OSBPL1A: variants seen among roughly 807,000 people sequenced by gnomAD.
The protein encoded by OSBPL1A is oxysterol-binding protein-related protein 1.
In OSBPL1A, 80 loss-of-function variants were observed where a neutral mutation model predicts 137.1. The ratio of observed to expected loss-of-function variants is 0.58; its 90% CI spans 0.49 to 0.70. The LOEUF (loss-of-function observed/expected upper bound fraction) is 0.70, where lower values mean the gene tolerates loss of function less well. OSBPL1A is among the 30% of genes least tolerant of loss of function. The probability of loss-of-function intolerance (pLI) is 0.00; values close to 1 mark genes in which losing one functional copy is unlikely to be tolerated. For synonymous variants in OSBPL1A, 365 were observed against 389.7 expected, an observed-to-expected ratio of 0.94 and a Z score of 0.75; for missense variants, 970 against 1,129.4, an observed-to-expected ratio of 0.86 and a Z score of 2.02.
Position 24,281,083 on chromosome 18 carries a change from T to G in OSBPL1A, c.1175-135A>C, listed in dbSNP as rs2089948300. On this transcript the variant is annotated intron_variant, in intron 14 of 27. Transcript: ENST00000319481. ...TCTTAAGCAAAACATATCATGTTTC[T>G]TTTCTTTTTTTTTGTTTTCTTGAGA... is the stretch of plus-strand genomic sequence containing the variant. 3.2e-5 allele frequency: 17 copies of G among 539,348 alleles called. No individual in the cohort carries two copies. In the South Asian group the frequency reaches 4.9e-4, roughly 16 times the overall value. The allele number at this position is 539,348 out of a possible 1,614,324, so 33.4% of individuals were successfully genotyped here. A position where few individuals can be genotyped will look rare whatever the true frequency, so the allele number is the denominator to read the frequency against.
At chr18:24,313,144 T>G (rs967808271) in intron 12 of OSBPL1A, among the ~76,000 whole-genome samples, 5 of 147,700 alleles carry the variant, frequency 3.4e-5, no homozygotes, top group African/African-American at 1.0e-4. Flanking sequence ...AATAAATAAA[T>G]AAAAGAAAAA....
intron 1 of OSBPL1A, among the ~76,000 whole-genome samples, chr18:24,396,048 G>A (rs1380461412): frequency 2.0e-5 from 3 of 151,036 alleles, no homozygotes; most frequent in Non-Finnish European, 3.0e-5. Flanking sequence ...GTGAAACCTC[G>A]TCTCTACTAA....
intron 14 of OSBPL1A, among the ~76,000 whole-genome samples, chr18:24,293,650 C>T (rs1244114062): frequency 6.6e-6 from 1 of 152,096 alleles, no homozygotes; most frequent in East Asian, 1.9e-4. Context: ...GGGAACAGCA[C>T]ACGAAAGGCC....
intron 16 of OSBPL1A, among the ~76,000 whole-genome samples, chr18:24,234,275 T>A (rs1192558650): frequency 1.3e-5 from 2 of 152,180 alleles, no homozygotes; most frequent in Admixed American, 6.5e-5. Flanking sequence ...TCCCAGGAAG[T>A]GTTCCCTTAC....
intron 2 of OSBPL1A, among the ~76,000 whole-genome samples, chr18:24,376,936 G>C (rs1043412149): frequency 6.6e-6 from 1 of 152,204 alleles, no homozygotes; most frequent in Non-Finnish European, 1.5e-5. Flanking sequence ...CGCAAACGCC[G>C]CGCGCAGCCC....
intron 15 of OSBPL1A, among the ~76,000 whole-genome samples, chr18:24,277,399 C>T (rs560187640): frequency 7.2e-5 from 11 of 152,266 alleles, no homozygotes; most frequent in Admixed American, 2.0e-4. Context: ...ATAAAAACAG[C>T]GTTGCTGCTG....
chr18:24,195,578 C>T (rs187454262), intron 18 of OSBPL1A, among the ~76,000 whole-genome samples: 1 of 152,262 alleles, frequency 6.6e-6, no homozygotes. Context: ...TACCCAGAAT[C>T]CTAGCCTGAC....
intron 11 of OSBPL1A, among the ~76,000 whole-genome samples, chr18:24,315,636 T>G (rs891182219): frequency 5.1e-5 from 2 of 39,080 alleles, no homozygotes; most frequent in East Asian, 4.8e-4. Flanking sequence ...ATTATATATA[T>G]TATATAGTAA....
At chr18:24,227,947 C>A (rs2088140206) in intron 16 of OSBPL1A, among the ~76,000 whole-genome samples, 1 of 152,144 alleles carries the variant, frequency 6.6e-6, no homozygotes, top group African/African-American at 2.4e-5. Flanking sequence ...ATTTAAGAGA[C>A]ATCAATCATA....
Position 24,268,520 on chromosome 18 carries a change from A to G in OSBPL1A, c.1281+12322T>C, listed in dbSNP as rs537101484. On this transcript the variant is annotated intron_variant, in intron 15 of 27. Transcript: ENST00000319481. ...ACAAATCTGCATGTTCTGCACATGT[A>G]CCCCATTTTTTTTTGTTTTTGTTTT... 2.0e-4 allele frequency among the ~76,000 whole-genome samples: 26 copies of G among 129,098 alleles called. No homozygotes were observed. The South Asian group carries it at 6.1e-3, about 30-fold the overall frequency. 84.7% of individuals were successfully genotyped at this position (129,098 alleles called of 152,430 possible). A position where few individuals can be genotyped will look rare whatever the true frequency, so the allele number is the denominator to read the frequency against.
Position 24,341,616 on chromosome 18 carries a change from T to G in OSBPL1A, c.325A>C (p.Ile109Leu), listed in dbSNP as rs760543303. The change falls in exon 5 of 28, where the codon ATT becomes CTT. Residue 109 changes from isoleucine to leucine, a missense_variant. By Grantham distance (5) the Ile-to-Leu change is conservative. Around this residue, in one of 2 missense-constraint regions of OSBPL1A, gnomAD observed 647 missense variants for 672.6 expected, o/e 0.96. Coordinates refer to ENST00000319481, the MANE Select transcript of OSBPL1A (RefSeq NM_080597.4). The stretch of plus-strand genomic sequence containing the variant: ...GCTGTCTGTCCACTCCCATTAACAA[T>G]AGTAGTATCAGCATTATATTCTAAG... Reference protein sequence around the residue: ...LLLEYNADTTIVNGSGQTAKE... With the variant: ...LLLEYNADTTLVNGSGQTAKE... 2 of 1,612,704 alleles carry G rather than the reference T, an allele frequency of 1.2e-6. No homozygotes were observed.
At chr18:24,283,123 G>C (rs1314490162) in intron 14 of OSBPL1A, among the ~76,000 whole-genome samples, 1 of 151,398 alleles carries the variant, frequency 6.6e-6, no homozygotes, top group Non-Finnish European at 1.5e-5. Flanking sequence ...AAATTAGCTG[G>C]GCATGGTGGC....
intron 7 of OSBPL1A, among the ~76,000 whole-genome samples, chr18:24,320,195 T>C (rs1221292978): frequency 2.0e-5 from 3 of 151,886 alleles, no homozygotes; most frequent in Admixed American, 6.6e-5. Flanking sequence ...CTAATGAGGG[T>C]CTGTTATGTA....
chr18:24,337,384 C>A (rs1328254929), intron 5 of OSBPL1A, among the ~76,000 whole-genome samples: 1 of 150,040 alleles, frequency 6.7e-6, no homozygotes, highest in East Asian at 2.0e-4. Flanking sequence ...ATTAACATAA[C>A]ATAACATAAC....
At chr18:24,341,487 G>T in intron 5 of OSBPL1A, 60 bp downstream of exon 5, 1 of 1,315,100 alleles carries the variant, frequency 7.6e-7, no homozygotes, top group Non-Finnish European at 1.1e-6. Context: ...GCCATTTTTA[G>T]TCAGAACCTT....
intron 16 of OSBPL1A, among the ~76,000 whole-genome samples, chr18:24,236,822 T>C (rs920186853): frequency 1.3e-5 from 2 of 152,188 alleles, no homozygotes; most frequent in Non-Finnish European, 2.9e-5. Context: ...AATCCTGATC[T>C]AGGGACTATG....
intron 1 of OSBPL1A, among the ~76,000 whole-genome samples, chr18:24,393,106 T>G (rs1214896539): frequency 6.6e-6 from 1 of 152,218 alleles, no homozygotes; most frequent in Non-Finnish European, 1.5e-5. Flanking sequence ...AAAAAAATAC[T>G]TATTTGCTCT....
intron 24 of OSBPL1A, among the ~76,000 whole-genome samples, chr18:24,168,810 G>A (rs1364098466): frequency 6.6e-6 from 1 of 152,202 alleles, no homozygotes; most frequent in Admixed American, 6.5e-5. Flanking sequence ...GTGGATGTGT[G>A]AGAATACCTG....
At chr18:24,230,440 C>CA (rs752374290) in intron 16 of OSBPL1A, among the ~76,000 whole-genome samples, 1 of 152,088 alleles carries the variant, frequency 6.6e-6, no homozygotes, top group African/African-American at 2.4e-5. Context: ...ATAAAAACAA[C>CA]AACAAACAAA....
Sources: allele counts gnomAD v4.1 joint callset (sites outside exome capture counted in the v4.1 genomes callset), GRCh38; gene constraint gnomAD v4.1.1; regional missense constraint gnomAD v4.1.1; transcripts MANE v1.5; gene names NCBI Gene and HGNC (gene_info 2026-07-23, HGNC 2026-07-21).